The following CEP63 variants were observed in gnomAD, a reference collection of about 807,000 sequenced individuals.
CEP63 encodes the protein centrosomal protein 63, also known as centrosomal protein of 63 kDa.
A neutral mutation model predicts 89.1 loss-of-function variants in CEP63; 84 were observed. The observed-to-expected ratio is 0.94, with a 90% CI of 0.79 to 1.13. The LOEUF (loss-of-function observed/expected upper bound fraction) is 1.13. CEP63 is among the 50% of genes most tolerant of loss of function. The pLI is 0.00. For synonymous variants in CEP63, 267 were observed against 272.5 expected (o/e 0.98, Z 0.20); for missense variants, 838 against 813.3 (o/e 1.03, Z -0.37).
At chr3:134,538,531 G>GTATATA (rs138354332) in intron 6 of CEP63, among the ~76,000 whole-genome samples, 8,574 of 99,380 alleles carry the variant, frequency 0.086, 626 homozygotes, top group East Asian at 0.096. Context: ...TTGTGTGTGT[G>GTATATA]TGTATATATA....
Position 134,552,286 on chromosome 3 carries a change from C to G in CEP63, c.1467+274C>G, listed in dbSNP as rs527854819. 1.1e-3 allele frequency: 254 copies of G among 230,376 alleles called. 1 individual carries two copies. The highest frequency in any genetic ancestry group is 5.5e-3 in the African/African-American group (238 of 43,554). 14.3% of individuals were successfully genotyped at this position (230,376 alleles called of 1,614,324 possible). A position where few individuals can be genotyped will look rare whatever the true frequency, so the allele number is the denominator to read the frequency against. ...TGGCGTGATCTTGGCTCACCGCAGCCTCCACCTCCCGGGTTCAAATGATGC... is the reference window on the plus strand; with the variant it reads ...TGGCGTGATCTTGGCTCACCGCAGCGTCCACCTCCCGGGTTCAAATGATGC... On this transcript the variant is annotated intron_variant, in intron 12 of 14. Coordinates refer to ENST00000675561, the MANE Select transcript of CEP63 (RefSeq NM_001353108.3).
chr3:134,690,897 C>T, the CEP63 span, among the ~76,000 whole-genome samples: 2 of 151,944 alleles, frequency 1.3e-5, no homozygotes, highest in Non-Finnish European at 2.9e-5. Flanking sequence ...TACAGGCTCC[C>T]GCCACCATGC....
chr3:134,709,455 G>A, the CEP63 span, among the ~76,000 whole-genome samples: 1 of 145,786 alleles, frequency 6.9e-6, no homozygotes, highest in Non-Finnish European at 1.5e-5. Flanking sequence ...ACAAACACAT[G>A]TGAGACACAT....
At chr3:134,600,311 A>G in the CEP63 span, among the ~76,000 whole-genome samples, 1 of 152,220 alleles carries the variant, frequency 6.6e-6, no homozygotes, top group African/African-American at 2.4e-5. Flanking sequence ...GTCCTTTGAG[A>G]AGAGGATTTC....
chr3:134,543,878 A>T (rs1408766616), intron 6 of CEP63, among the ~76,000 whole-genome samples: 1 of 151,924 alleles, frequency 6.6e-6, no homozygotes, highest in Non-Finnish European at 1.5e-5. Context: ...AAGTTTGGAG[A>T]CAGTTCCATG....
intron 2 of CEP63, among the ~76,000 whole-genome samples, chr3:134,496,290 G>A (rs1332361192): frequency 5.9e-5 from 9 of 152,156 alleles, no homozygotes; most frequent in Non-Finnish European, 1.2e-4. Flanking sequence ...AGAGCCATGG[G>A]CATACAGGCT....
At chr3:134,676,132 G>C in the CEP63 span, among the ~76,000 whole-genome samples, 1 of 152,158 alleles carries the variant, frequency 6.6e-6, no homozygotes, top group East Asian at 1.9e-4. Flanking sequence ...AAATGTATAC[G>C]TAAATAGCAG....
chr3:134,607,045 A>G, the CEP63 span: 1 of 985,182 alleles, frequency 1.0e-6, no homozygotes, highest in Non-Finnish European at 1.2e-6. Context: ...CTATAAATTA[A>G]GGAATCTGGT....
intron 3 of CEP63, among the ~76,000 whole-genome samples, chr3:134,528,569 C>CGCGT (rs1553763957): frequency 3.4e-5 from 5 of 147,132 alleles, no homozygotes; most frequent in South Asian, 2.2e-4. Context: ...TGTGTGTGTG[C>CGCGT]GTGTGTGTGT....
At chr3:134,590,541 G>A (rs1958578882), downstream of CEP63, among the ~76,000 whole-genome samples, 1 of 152,176 alleles carries the variant, frequency 6.6e-6, no homozygotes, top group African/African-American at 2.4e-5. Flanking sequence ...GAGAAAGCGG[G>A]AATTTGCTCA....
At chr3:134,742,781 T>G in the CEP63 span, among the ~76,000 whole-genome samples, 1 of 152,222 alleles carries the variant, frequency 6.6e-6, no homozygotes, top group African/African-American at 2.4e-5. Context: ...TTCTCTCCCT[T>G]GCCCATCCAC....
chr3:134,670,633 GA>G, the CEP63 span, among the ~76,000 whole-genome samples: 2 of 152,206 alleles, frequency 1.3e-5, no homozygotes, highest in Non-Finnish European at 2.9e-5. Context: ...CTTAGAAACT[GA>G]ATATAAACTG....
At chr3:134,775,951 A>G in the CEP63 span, among the ~76,000 whole-genome samples, 20,905 of 152,182 alleles carry the variant, frequency 0.14, 1,522 homozygotes, top group Middle Eastern at 0.18. Flanking sequence ...AGGTCTACAC[A>G]CTGAACACTA....
the CEP63 span, among the ~76,000 whole-genome samples, chr3:134,750,323 G>T: frequency 6.6e-6 from 1 of 152,166 alleles, no homozygotes; most frequent in Non-Finnish European, 1.5e-5. Flanking sequence ...CCCAGCCCCT[G>T]TAGGCACATT....
At chr3:134,746,196 T>G in the CEP63 span, among the ~76,000 whole-genome samples, 1 of 152,064 alleles carries the variant, frequency 6.6e-6, no homozygotes, top group African/African-American at 2.4e-5. Flanking sequence ...TGTGATAGTT[T>G]GCTGAGAATG....
rs115172205 is a variant in CEP63, at chr3:134,504,453, A to G, written c.45-2656A>G. Among the ~76,000 whole-genome samples, 1,155 of 152,290 alleles carry G rather than the reference A, an allele frequency of 7.6e-3. 17 individuals are homozygous for G. The highest frequency in any genetic ancestry group is 0.026 in the African/African-American group (1,098 of 41,562). On this transcript the variant is annotated intron_variant, in intron 2 of 14. Coordinates refer to ENST00000675561, the MANE Select transcript of CEP63 (RefSeq NM_001353108.3). ...TGGTCTGTAAGGTTTCTGCTGAGAAATCTGCTGTTAGTCTGATGGCAATAT... is the reference window on the plus strand; with the variant it reads ...TGGTCTGTAAGGTTTCTGCTGAGAAGTCTGCTGTTAGTCTGATGGCAATAT...
chr3:134,650,719 C>T, the CEP63 span: 1 of 1,113,302 alleles, frequency 9.0e-7, no homozygotes. Flanking sequence ...GTCGGGTTCG[C>T]TGACCTCGTT....
At chr3:134,728,281 A>G in the CEP63 span, among the ~76,000 whole-genome samples, 4 of 152,176 alleles carry the variant, frequency 2.6e-5, no homozygotes, top group African/African-American at 7.2e-5. Flanking sequence ...ACTTTTTGGA[A>G]GGCAAATTGG....
the CEP63 span, among the ~76,000 whole-genome samples, chr3:134,740,421 C>G: frequency 6.6e-6 from 1 of 152,050 alleles, no homozygotes; most frequent in African/African-American, 2.4e-5. Flanking sequence ...CCTCAGCCTC[C>G]CGAGTAGCAG....
Sources: gnomAD v4.1 joint callset for allele counts (sites outside exome capture counted in the v4.1 genomes callset) on GRCh38, gnomAD v4.1.1 for gene constraint, MANE v1.5 for transcripts, NCBI Gene and HGNC (gene_info 2026-07-23, HGNC 2026-07-21) for gene names.